KLHL3: variants seen among roughly 807,000 people sequenced by gnomAD.
KLHL3 encodes kelch-like protein 3.
Under a neutral mutation model 70.5 loss-of-function variants are expected in KLHL3, and 19 were observed. The observed-to-expected ratio is 0.27, with a 90% confidence interval of 0.19 to 0.40. The LOEUF is 0.40. Ranked by LOEUF, KLHL3 falls within the 10% of genes least tolerant of loss-of-function variation. The pLI is 1.00. For synonymous variants in KLHL3, 258 were observed against 290.3 expected (o/e 0.89, Z 1.13); for missense variants, 512 against 771.1 (o/e 0.66, Z 3.98).
intron 2 of KLHL3, among the ~76,000 whole-genome samples, chr5:137,710,400 A>T (rs1478579168): frequency 1.3e-5 from 2 of 152,166 alleles, no homozygotes; most frequent in Non-Finnish European, 2.9e-5. Flanking sequence ...CTGCCTGCAA[A>T]CACAGTGCTC....
chr5:137,692,500 T>C (rs1388546875), intron 4 of KLHL3, 53 bp from the exon 5 acceptor site: 118 of 1,564,842 alleles, frequency 7.5e-5, no homozygotes, highest in Non-Finnish European at 9.7e-5. Context: ...CAGAGACTCA[T>C]CTGCCTTTTC....
intron 4 of KLHL3, among the ~76,000 whole-genome samples, chr5:137,694,113 A>G (rs1326659846): frequency 6.6e-6 from 1 of 151,866 alleles, no homozygotes; most frequent in African/African-American, 2.4e-5. Context: ...ACAGACAATA[A>G]CCACCAAGAG....
chr5:137,709,704 G>T, intron 3 of KLHL3, 46 bp downstream of exon 3: 1 of 1,458,346 alleles, frequency 6.9e-7, no homozygotes, highest in Non-Finnish European at 9.6e-7. Context: ...CTCCCAGTGG[G>T]GCTGCAGCCC....
At chr5:137,730,598 CA>C (rs1306991662) in intron 1 of KLHL3, among the ~76,000 whole-genome samples, 1 of 152,190 alleles carries the variant, frequency 6.6e-6, no homozygotes, top group Non-Finnish European at 1.5e-5. Context: ...CCCCAAGTCA[CA>C]AACTGCTTTC....
intron 6 of KLHL3, among the ~76,000 whole-genome samples, chr5:137,673,113 A>G (rs758924925): frequency 1.3e-5 from 2 of 152,198 alleles, no homozygotes; most frequent in Non-Finnish European, 2.9e-5. Context: ...TTCCTTATCT[A>G]TGAGGAACAT....
intron 7 of KLHL3, 188 bp downstream of exon 7, chr5:137,661,725 AGT>A (rs1396503862): frequency 2.0e-6 from 1 of 498,676 alleles, no homozygotes; most frequent in Non-Finnish European, 3.5e-6. Context: ...CTGAAACCTA[AGT>A]GTCCTATTTT....
rs199469633 is a variant in KLHL3, at chr5:137,628,408, C to T, written c.1480G>A (p.Ala494Thr). 3 of 1,614,204 alleles carry T rather than the reference C, an allele frequency of 1.9e-6. No individual in the cohort carries two copies. Among genetic ancestry groups the T allele is most frequent in the Non-Finnish European group, 2.5e-6 (3 of 1,180,040 alleles). The change falls in exon 13 of 15, where the codon GCC becomes ACC. Residue 494 changes from alanine to threonine, a missense_variant. Transcript: ENST00000309755. The stretch of plus-strand genomic sequence containing the variant: ...AAAGGCCCATCATGCCCACCTGTGG[C>T]GTACAGCTGTCCGCTAAGCACTCCA... ...GVGVLSGQLY[A>T]TGGHDGPLVR...
chr5:137,702,851 C>T (rs981075470), intron 3 of KLHL3, among the ~76,000 whole-genome samples: 3 of 152,134 alleles, frequency 2.0e-5, no homozygotes, highest in Admixed American at 1.3e-4. Context: ...AGCAAGCAAT[C>T]CCAGAAGCCT....
chr5:137,662,099 TAAA>T (rs768798609), intron 6 of KLHL3, 68 bp from the exon 7 acceptor site: 334 of 422,924 alleles, frequency 7.9e-4, no homozygotes, highest in South Asian at 1.4e-3. Flanking sequence ...CCTCAATCTG[TAAA>T]AAAAAAAAAA....
intron 8 of KLHL3, 72 bp downstream of exon 8, chr5:137,658,058 TG>T: frequency 6.9e-7 from 1 of 1,448,926 alleles, no homozygotes; most frequent in Non-Finnish European, 9.4e-7. Flanking sequence ...AGGAAAGACT[TG>T]GAGGCAGGAG....
intron 14 of KLHL3, among the ~76,000 whole-genome samples, chr5:137,624,828 G>A (rs2149875725): frequency 6.6e-6 from 1 of 152,182 alleles, no homozygotes; most frequent in African/African-American, 2.4e-5. Flanking sequence ...ATCTCCCCAT[G>A]GACCCAACCT....
rs1756284609 is a variant in KLHL3 at position 137,618,412 on chromosome 5, C to T, written c.*3686G>A. On this transcript the variant is annotated 3_prime_UTR_variant, in exon 15 of 15. Coordinates refer to ENST00000309755, the MANE Select transcript of KLHL3 (RefSeq NM_017415.3). ...CACAAAACAGAGCCTGGAGTAGAGA[C>T]ATAGCTCAAGAAGCAAGTTGTAAGT... The T allele has an allele frequency of 6.6e-6, 1 of 152,114 alleles. No homozygotes were observed. Among genetic ancestry groups the T allele is most frequent in the Admixed American group, 6.6e-5 (1 of 15,266 alleles). The allele number at this position is 152,114 out of a possible 1,614,324, so 9.4% of individuals were successfully genotyped here.
intron 1 of KLHL3, among the ~76,000 whole-genome samples, chr5:137,733,968 A>G (rs970888315): frequency 6.6e-6 from 1 of 152,248 alleles, no homozygotes; most frequent in Non-Finnish European, 1.5e-5. Context: ...ATCTGCCTTC[A>G]GCAGAGGAAA....
Position 137,620,841 on chromosome 5 carries a change from T to A in KLHL3, c.*1257A>T, listed in dbSNP as rs1406600004. 6.6e-6 allele frequency: 1 copy of A among 151,860 alleles called. No individual in the cohort carries two copies. Among genetic ancestry groups the A allele is most frequent in the Admixed American group, 6.6e-5 (1 of 15,228 alleles). The allele number at this position is 151,860 out of a possible 1,614,324, so 9.4% of individuals were successfully genotyped here. On this transcript the variant is annotated 3_prime_UTR_variant, in exon 15 of 15. Coordinates refer to ENST00000309755, the MANE Select transcript of KLHL3 (RefSeq NM_017415.3). The stretch of plus-strand genomic sequence containing the variant: ...AAAGCAGTAGTGGGGTTCTTGGGGG[T>A]TGGGGAGAGGGTGCACACCCTGGAA...
intron 8 of KLHL3, among the ~76,000 whole-genome samples, chr5:137,645,274 C>T (rs1403201376): frequency 6.6e-6 from 1 of 152,194 alleles, no homozygotes; most frequent in East Asian, 1.9e-4. Context: ...TGCCCACTTT[C>T]TCCACTTCTA....
chr5:137,731,964 T>C (rs1753185819), intron 1 of KLHL3, among the ~76,000 whole-genome samples: 1 of 152,166 alleles, frequency 6.6e-6, no homozygotes, highest in Non-Finnish European at 1.5e-5. Context: ...CTTCCCAAAC[T>C]GAAACTCTCT....
chr5:137,625,467 A>G (rs974117214), intron 14 of KLHL3, among the ~76,000 whole-genome samples: 1 of 152,236 alleles, frequency 6.6e-6, no homozygotes, highest in South Asian at 2.1e-4. Flanking sequence ...AACTCAGTTC[A>G]GTTGGAAGTG....
intron 1 of KLHL3, among the ~76,000 whole-genome samples, chr5:137,721,650 A>T (rs1752999511): frequency 6.6e-6 from 1 of 152,230 alleles, no homozygotes; most frequent in Non-Finnish European, 1.5e-5. Context: ...TCTGTACTGA[A>T]ATCAAGAGAC....
intron 11 of KLHL3, among the ~76,000 whole-genome samples, chr5:137,636,264 T>A (rs1269182880): frequency 6.6e-6 from 1 of 152,242 alleles, no homozygotes; most frequent in East Asian, 1.9e-4. Flanking sequence ...ATCTTTCTAT[T>A]AATGTCTAAC....
Sources: allele counts gnomAD v4.1 joint callset (sites outside exome capture counted in the v4.1 genomes callset), GRCh38; gene constraint gnomAD v4.1.1; transcripts MANE v1.5; gene names NCBI Gene and HGNC (gene_info 2026-07-23, HGNC 2026-07-21).